Variants in HMG20B observed in about 807,000 individuals in gnomAD.
HMG20B encodes high mobility group 20B, also known as SWI/SNF-related matrix-associated actin-dependent regulator of chromatin subfamily E member 1-related.
A neutral mutation model predicts 41.6 loss-of-function variants in HMG20B; 24 were observed. The ratio of observed to expected loss-of-function variants is 0.58; its 90% confidence interval spans 0.42 to 0.81. The LOEUF is 0.81. Among genes scored for constraint, HMG20B ranks in the 30% least tolerant of loss-of-function variants. The probability of loss-of-function intolerance (pLI) is 0.00; values close to 1 mark genes in which losing one functional copy is unlikely to be tolerated. For missense variants in HMG20B, 461 were observed against 444.0 expected (o/e 1.04, Z -0.34); for synonymous variants, 251 against 186.6 (o/e 1.34, Z -2.81).
intron 8 of HMG20B, among the ~76,000 whole-genome samples, 175 bp from the exon 9 acceptor site, chr19:3,577,806 G>T (rs898921476): frequency 4.0e-5 from 6 of 148,268 alleles, no homozygotes; most frequent in African/African-American, 1.5e-4. Context: ...CCCCGTCCTC[G>T]CCATCCTCCT....
At chr19:3,575,920 G>A (rs1357892601) in intron 5 of HMG20B, 3 of 464,150 alleles carry the variant, frequency 6.5e-6, no homozygotes, top group African/African-American at 2.0e-5. Flanking sequence ...CTCTAGCCAG[G>A]GCGACAGGGC....
chr19:3,573,379 G>A (rs2032083191), intron 2 of HMG20B, 32 bp downstream of exon 2: 6 of 1,505,238 alleles, frequency 4.0e-6, no homozygotes, highest in Non-Finnish European at 3.6e-6. Context: ...CCACGCCCTC[G>A]CTACTTTCCC....
At chr19:3,574,339 A>T (rs1389936220) in intron 3 of HMG20B, 44 bp from the exon 4 acceptor site, 2 of 1,046,182 alleles carry the variant, frequency 1.9e-6, no homozygotes, top group Non-Finnish European at 2.4e-6. Flanking sequence ...GCCCTGCCCC[A>T]GTACGCCAGG....
At chr19:3,573,839 TCCCGCCCCAGCCTCGAAGC>T (rs1278906048) in intron 3 of HMG20B, 39 bp downstream of exon 3, 9 of 1,533,552 alleles carry the variant, frequency 5.9e-6, no homozygotes, top group Non-Finnish European at 8.0e-6. Context: ...GGCCCCGGGC[TCCCGCCCCAGCCTCGAAGC>T]CCCGCCCCAG....
intron 7 of HMG20B, 113 bp from the exon 8 acceptor site, chr19:3,576,779 C>A: frequency 1.5e-6 from 2 of 1,308,954 alleles, no homozygotes; most frequent in Non-Finnish European, 2.1e-6. Flanking sequence ...TGATGTGGAG[C>A]AGGAGGCAGA....
At chr19:3,574,677 T>C (rs1215219085) in intron 4 of HMG20B, 91 bp downstream of exon 4, 4 of 1,225,978 alleles carry the variant, frequency 3.3e-6, no homozygotes, top group Admixed American at 5.6e-5. Flanking sequence ...CGTGCAGGGT[T>C]TTTCCTTCTT....
At chr19:3,577,889 A>T in intron 8 of HMG20B, 92 bp from the exon 9 acceptor site, 1 of 1,229,684 alleles carries the variant, frequency 8.1e-7, no homozygotes, top group Non-Finnish European at 1.1e-6. Context: ...CGCCCGCGCG[A>T]CCCGCCCTGA....
intron 3 of HMG20B, 111 bp downstream of exon 3, chr19:3,573,911 C>T (rs1224821539): frequency 1.9e-6 from 2 of 1,050,640 alleles, no homozygotes; most frequent in Admixed American, 2.0e-5. Flanking sequence ...AGCCCATTTT[C>T]CTCTGGAAGC....
At chr19:3,576,085 A>C in intron 5 of HMG20B, 176 bp from the exon 6 acceptor site, 1 of 626,246 alleles carries the variant, frequency 1.6e-6, no homozygotes, top group Non-Finnish European at 2.8e-6. Context: ...GGGCGGGGGA[A>C]AGATACATAG....
chr19:3,577,226 C>CG (rs1381010107), intron 8 of HMG20B, 119 bp downstream of exon 8: 1 of 734,806 alleles, frequency 1.4e-6, no homozygotes, highest in East Asian at 2.9e-5. Flanking sequence ...CCCGTCCCCT[C>CG]TTCCCCAGTC....
chr19:3,575,425 A>G (rs1289791480), intron 4 of HMG20B, 115 bp from the exon 5 acceptor site: 4 of 1,487,248 alleles, frequency 2.7e-6, no homozygotes, highest in East Asian at 2.6e-5. Context: ...TGGAGGGAAT[A>G]GGGAGCTATA....
In HMG20B at chr19:3,574,426, A is replaced by G; in HGVS notation, c.191A>G (p.Lys64Arg). Reference protein sequence around the residue: ...RGWPKGKKRKKILPNGPKAPV... With the variant: ...RGWPKGKKRKRILPNGPKAPV... ...TGGCCCAAGGGCAAGAAGCGGAAGA[A>G]GATTCTGCCGAATGGGCCCAAGGCA... The change falls in exon 4 of 10, where the codon AAG (lysine) becomes AGG (arginine). Residue 64 changes from lysine to arginine, a missense_variant. Physicochemically the swap from Lys to Arg is conservative, Grantham distance 26. Around this residue, in one of 3 missense-constraint regions of HMG20B, gnomAD observed 49 missense variants for 84.1 expected, o/e 0.58. Transcript: ENST00000333651. 6.2e-7 allele frequency: 1 copy of G among 1,607,646 alleles called. No individual in the cohort carries two copies. Among genetic ancestry groups the G allele is most frequent in the Non-Finnish European group, 8.5e-7 (1 of 1,177,700 alleles).
Position 3,575,656 on chromosome 19 carries a change from G to C in HMG20B, c.468G>C (p.Lys156Asn). Residue 156 changes from lysine (K) to asparagine (N), a missense_variant, in exon 5 of 10, where the codon AAG becomes AAC. This residue lies in a region of HMG20B where 308 missense variants were observed against 283.4 expected (regional missense o/e 1.09). Transcript: ENST00000333651. The stretch of plus-strand genomic sequence containing the variant: ...AGAAGATCCAGGAGAAGAAGATCAA[G>C]AAAGGTGGGAGGGGTCGGGCGCGGT... Reference protein sequence around the residue: ...CTEKIQEKKIKKEDSSSGLMN... With the variant: ...CTEKIQEKKINKEDSSSGLMN... 1 of 1,550,516 alleles carries C rather than the reference G, an allele frequency of 6.4e-7. No homozygotes were observed. Among genetic ancestry groups the C allele is most frequent in the Non-Finnish European group, 8.7e-7 (1 of 1,146,840 alleles).
chr19:3,577,047 C>A lies in HMG20B; in HGVS notation c.748C>A (p.Gln250Lys). 6.5e-7 allele frequency: 1 copy of A among 1,547,512 alleles called. No individual in the cohort carries two copies. Among genetic ancestry groups the A allele is most frequent in the Non-Finnish European group, 8.7e-7 (1 of 1,146,994 alleles). The change falls in exon 8 of 10, where the codon CAG becomes AAG. Residue 250 changes from glutamine (Q) to lysine (K), a missense_variant. By Grantham distance (53) the Gln-to-Lys change is moderately conservative. Around this residue, in one of 3 missense-constraint regions of HMG20B, gnomAD observed 308 missense variants for 283.4 expected, o/e 1.09. Transcript: ENST00000333651. ...LEERRTLALQ[Q>K]QLQAVRQALT... ...GGAGCGGAGGACGCTGGCGCTGCAG[C>A]AGCAGCTCCAGGCCGTGCGCCAGGC...
chr19:3,573,548 A>G (rs1240659934), intron 2 of HMG20B, 144 bp from the exon 3 acceptor site: 1 of 905,508 alleles, frequency 1.1e-6, no homozygotes, highest in East Asian at 3.1e-5. Context: ...CCTTCCCCGG[A>G]TACTGACCCC....
At chr19:3,576,128 A>G in intron 5 of HMG20B, 133 bp from the exon 6 acceptor site, 3 of 749,032 alleles carry the variant, frequency 4.0e-6, no homozygotes, top group South Asian at 1.5e-5. Flanking sequence ...CACTCGGTAC[A>G]GCGATGGGGG....
At chr19:3,576,347 AGGTCT>A (rs1490071612) in intron 6 of HMG20B, 40 bp downstream of exon 6, 1 of 1,598,220 alleles carries the variant, frequency 6.3e-7, no homozygotes, top group African/African-American at 1.3e-5. Context: ...TGGGGGAGAA[AGGTCT>A]GGAGGCTTCT....
At chr19:3,576,836 C>A in intron 7 of HMG20B, 56 bp from the exon 8 acceptor site, 1 of 1,534,816 alleles carries the variant, frequency 6.5e-7, no homozygotes, top group Admixed American at 2.0e-5. Flanking sequence ...CGGGCAAAAG[C>A]CCGGAGGTAG....
In HMG20B at chr19:3,578,866, C is replaced by G. The variant is rs868770787; in HGVS notation, c.*345C>G. On this transcript the variant is annotated 3_prime_UTR_variant, in exon 10 of 10. Coordinates refer to ENST00000333651, the MANE Select transcript of HMG20B (RefSeq NM_006339.3). ...ACCCCCAGCACACGGCAGGACCCCCCAAATTACTCACTACGGGGGGCTGTG... is the reference window on the plus strand; with the variant it reads ...ACCCCCAGCACACGGCAGGACCCCCGAAATTACTCACTACGGGGGGCTGTG... 3.4e-6 allele frequency: 2 copies of G among 582,904 alleles called. No homozygotes were observed. Among genetic ancestry groups the G allele is most frequent in the South Asian group, 1.5e-5 (1 of 66,318 alleles). The allele number at this position is 582,904 out of a possible 1,614,324, so 36.1% of individuals were successfully genotyped here. A position where few individuals can be genotyped will look rare whatever the true frequency, so the allele number is the denominator to read the frequency against.
Sources: allele counts gnomAD v4.1 joint callset (sites outside exome capture counted in the v4.1 genomes callset), GRCh38; gene constraint gnomAD v4.1.1; regional missense constraint gnomAD v4.1.1; transcripts MANE v1.5; gene names NCBI Gene and HGNC (gene_info 2026-07-23, HGNC 2026-07-21).